TMTC2: variants seen among roughly 807,000 people sequenced by gnomAD.
TMTC2 encodes the protein protein O-mannosyl-transferase TMTC2.
Under a neutral mutation model 82.4 loss-of-function variants are expected in TMTC2, and 43 were observed. That is an observed-to-expected ratio of 0.52 (90% CI 0.41 to 0.67). The LOEUF (loss-of-function observed/expected upper bound fraction) is 0.67. Among genes scored for constraint, TMTC2 ranks in the 30% least tolerant of loss-of-function variants. TMTC2 has a pLI of 0.00. For synonymous variants in TMTC2, 408 were observed against 381.9 expected (o/e 1.07, Z -0.80); for missense variants, 919 against 1,012.4 (o/e 0.91, Z 1.25).
At chr12:82,804,004 C>T (rs1259676949) in intron 1 of TMTC2, among the ~76,000 whole-genome samples, 4 of 152,038 alleles carry the variant, frequency 2.6e-5, no homozygotes, top group Non-Finnish European at 5.9e-5. Context: ...CTGCAGACCC[C>T]TATGGATTCA....
At chr12:83,035,865 A>G (rs1450107277) in intron 9 of TMTC2, among the ~76,000 whole-genome samples, 1 of 152,164 alleles carries the variant, frequency 6.6e-6, no homozygotes, top group Non-Finnish European at 1.5e-5. Flanking sequence ...CATAGTAGTA[A>G]ATTTGGTGTC....
chr12:82,959,401 T>C (rs1352402528), intron 4 of TMTC2, among the ~76,000 whole-genome samples: 1 of 152,106 alleles, frequency 6.6e-6, no homozygotes, highest in Non-Finnish European at 1.5e-5. Flanking sequence ...CCCAGAGGCA[T>C]TGCATTATTC....
chr12:82,887,138 A>G (rs1471990997), intron 2 of TMTC2, among the ~76,000 whole-genome samples: 2 of 152,196 alleles, frequency 1.3e-5, no homozygotes, highest in Non-Finnish European at 2.9e-5. Context: ...ATGCTTAAGT[A>G]ATTTATTCTC....
intron 1 of TMTC2, among the ~76,000 whole-genome samples, chr12:82,745,815 T>A (rs1409748729): frequency 6.6e-6 from 1 of 152,248 alleles, no homozygotes; most frequent in Non-Finnish European, 1.5e-5. Context: ...ATGTGGTGAC[T>A]TAATTCAGAG....
chr12:83,101,564 A>G (rs1884215001), intron 11 of TMTC2, among the ~76,000 whole-genome samples: 1 of 152,200 alleles, frequency 6.6e-6, no homozygotes. Flanking sequence ...ATCACCACCA[A>G]TGTTTATCAA....
intron 8 of TMTC2, among the ~76,000 whole-genome samples, chr12:83,025,794 G>A (rs1199315934): frequency 6.6e-6 from 1 of 152,168 alleles, no homozygotes; most frequent in Non-Finnish European, 1.5e-5. Flanking sequence ...CAGGAAAACA[G>A]ATGACTTACT....
chr12:82,892,612 C>T (rs1441505503), intron 2 of TMTC2, among the ~76,000 whole-genome samples: 3 of 152,174 alleles, frequency 2.0e-5, no homozygotes, highest in Non-Finnish European at 4.4e-5. Flanking sequence ...AGAAATCTGA[C>T]CATGTTTCCT....
At chr12:82,864,103 A>G (rs971409476) in intron 2 of TMTC2, among the ~76,000 whole-genome samples, 1 of 152,176 alleles carries the variant, frequency 6.6e-6, no homozygotes, top group African/African-American at 2.4e-5. Context: ...AGGAAAACTC[A>G]CAGAAAATTA....
intron 8 of TMTC2, among the ~76,000 whole-genome samples, chr12:83,008,344 C>T (rs913465325): frequency 1.3e-5 from 2 of 152,098 alleles, no homozygotes; most frequent in African/African-American, 4.8e-5. Context: ...GAAATTTTTG[C>T]ACAGTTCTTT....
At position 82,937,795 on chromosome 12, in the gene TMTC2, TAC is replaced by T. The variant is rs59765069; in HGVS notation, c.1598+7256_1598+7257del. ...ATATATATATATATATATATATATA[TAC>T]ACACATATATATATAAAATGATGCC... is the stretch of plus-strand genomic sequence containing the variant. On this transcript the variant is annotated intron_variant, in intron 4 of 11. Coordinates refer to ENST00000321196, the MANE Select transcript of TMTC2 (RefSeq NM_152588.3). Among the ~76,000 whole-genome samples, 75 of 29,506 alleles carry T rather than the reference TAC, an allele frequency of 2.5e-3. 2 individuals are homozygous for T. The highest frequency in any genetic ancestry group is 6.1e-3 in the African/African-American group (72 of 11,844). The allele number at this position is 29,506 out of a possible 152,430, so 19.4% of individuals were successfully genotyped here.
intron 1 of TMTC2, among the ~76,000 whole-genome samples, chr12:82,743,466 A>AAGCAGATAT (rs1052619278): frequency 2.6e-5 from 4 of 151,958 alleles, no homozygotes; most frequent in African/African-American, 9.7e-5. Context: ...AAAAAAGAAA[A>AAGCAGATAT]AGCAGATATA....
At chr12:82,875,797 C>G (rs888174962) in intron 2 of TMTC2, among the ~76,000 whole-genome samples, 1 of 149,742 alleles carries the variant, frequency 6.7e-6, no homozygotes, top group East Asian at 1.9e-4. Flanking sequence ...TTTTTTTAAT[C>G]CTCTTTTTTC....
intron 11 of TMTC2, among the ~76,000 whole-genome samples, chr12:83,120,264 T>C (rs1296330493): frequency 6.6e-6 from 1 of 152,240 alleles, no homozygotes; most frequent in Non-Finnish European, 1.5e-5. Flanking sequence ...ATTTATGCTT[T>C]AAAGAGGTTC....
intron 1 of TMTC2, among the ~76,000 whole-genome samples, chr12:82,762,560 A>T (rs1175589900): frequency 6.6e-6 from 1 of 152,208 alleles, no homozygotes; most frequent in Non-Finnish European, 1.5e-5. Flanking sequence ...AATATAAGAG[A>T]TAAAGAAGAG....
chr12:82,716,776 C>G (rs941866654), intron 1 of TMTC2, among the ~76,000 whole-genome samples: 1 of 152,158 alleles, frequency 6.6e-6, no homozygotes, highest in African/African-American at 2.4e-5. Context: ...CTATAGTCTA[C>G]CATGTGTTAC....
intron 1 of TMTC2, among the ~76,000 whole-genome samples, chr12:82,784,179 G>A (rs1878053145): frequency 6.6e-6 from 1 of 151,818 alleles, no homozygotes; most frequent in Non-Finnish European, 1.5e-5. Flanking sequence ...TTTGAATATT[G>A]TAAGTCTAAA....
At chr12:82,870,251 A>G (rs558259445) in intron 2 of TMTC2, among the ~76,000 whole-genome samples, 1 of 152,092 alleles carries the variant, frequency 6.6e-6, no homozygotes, top group Non-Finnish European at 1.5e-5. Context: ...CCCACCTCAA[A>G]TAGCTTCAGA....
At chr12:83,106,017 G>A (rs1406765812) in intron 11 of TMTC2, among the ~76,000 whole-genome samples, 2 of 152,130 alleles carry the variant, frequency 1.3e-5, no homozygotes, top group Non-Finnish European at 2.9e-5. Context: ...GAATTATCTT[G>A]AAAGGAAAAA....
chr12:82,754,651 C>T (rs1876202033), intron 1 of TMTC2, among the ~76,000 whole-genome samples: 2 of 152,028 alleles, frequency 1.3e-5, no homozygotes, highest in Non-Finnish European at 1.5e-5. Context: ...GTGGGAGAAT[C>T]GCTTGAACCT....
Sources: gnomAD v4.1 joint callset for allele counts (sites outside exome capture counted in the v4.1 genomes callset) on GRCh38, gnomAD v4.1.1 for gene constraint, MANE v1.5 for transcripts, NCBI Gene and HGNC (gene_info 2026-07-23, HGNC 2026-07-21) for gene names.